ESRRB: variants seen among roughly 807,000 people sequenced by gnomAD.
ESRRB encodes the protein estrogen related receptor beta.
ESRRB carries 16 observed loss-of-function variants against 46.0 expected under a neutral mutation model. The observed-to-expected ratio is 0.35, with a 90% confidence interval of 0.24 to 0.53. The LOEUF is 0.53. Ranked by LOEUF, ESRRB falls within the 20% of genes least tolerant of loss-of-function variation. ESRRB has a pLI of 0.93. For synonymous variants in ESRRB, 246 were observed against 259.6 expected (o/e 0.95, Z 0.50); for missense variants, 488 against 607.4 (o/e 0.80, Z 2.07).
At chr14:76,480,656 G>T (rs187248538) in intron 3 of ESRRB, among the ~76,000 whole-genome samples, 6 of 152,072 alleles carry the variant, frequency 3.9e-5, no homozygotes, top group Admixed American at 1.3e-4. Context: ...GCCTGAATCC[G>T]GGGGACTGGC....
In ESRRB at chr14:76,439,674, G is replaced by C. The variant is rs1437258992; in HGVS notation, c.384G>C (p.Gly128=). Residue 128 remains glycine (G), a synonymous_variant, in exon 2 of 7, where the codon GGG becomes GGC. Coordinates refer to ENST00000644823, the MANE Select transcript of ESRRB (RefSeq NM_001379180.1). ...AIPKRLCLVC[G]DIASGYHYGV... ...CCAAGCGCCTGTGCCTCGTGTGCGG[G>C]GACATTGCCTCTGGCTACCACTACG... is the stretch of plus-strand genomic sequence containing the variant. 3 of 1,614,116 alleles carry C rather than the reference G, an allele frequency of 1.9e-6. No homozygotes were observed. Among genetic ancestry groups the C allele is most frequent in the African/African-American group, 1.3e-5 (1 of 74,950 alleles).
At chr14:76,484,075 C>T (rs1297425880) in intron 5 of ESRRB, among the ~76,000 whole-genome samples, 3 of 152,282 alleles carry the variant, frequency 2.0e-5, no homozygotes, top group South Asian at 4.1e-4. Flanking sequence ...AAGCTGGTCT[C>T]GAACTCCTGC....
chr14:76,357,254 C>A lies in ESRRB; in HGVS notation c.2+46338C>A, dbSNP rs1284897883. Among the ~76,000 whole-genome samples, 3 of 152,284 alleles carry A rather than the reference C, an allele frequency of 2.0e-5. No individual in the cohort carries two copies. In the Middle Eastern group the frequency reaches 0.01, roughly 518 times the overall value. ...CTCAGAAATGCACAAAAGTATTACC[C>A]AAGATGGGATTCACATTTTTTACAA... On this transcript the variant is annotated intron_variant, in intron 1 of 6. Coordinates refer to the ESRRB transcript ENST00000512784.
At chr14:76,440,620 A>G (rs1887880741) in intron 2 of ESRRB, among the ~76,000 whole-genome samples, 1 of 147,270 alleles carries the variant, frequency 6.8e-6, no homozygotes, top group Non-Finnish European at 1.5e-5. Flanking sequence ...TCCTGTCTGG[A>G]TCCCAGTTTG....
chr14:76,434,667 A>AAAG lies in ESRRB; in HGVS notation c.51-4672_51-4671insGAA, dbSNP rs1555396817. On this transcript the variant is annotated intron_variant, in intron 1 of 6. Coordinates refer to ENST00000644823, the MANE Select transcript of ESRRB (RefSeq NM_001379180.1). ...AGAGCCAGACTCTGTCTCAAAAAAA[A>AAAG]AAAAGAAAAGAAAAAAGAAAAAGAA... 9.9e-4 allele frequency among the ~76,000 whole-genome samples: 151 copies of AAAG among 151,922 alleles called. 1 individual carries two copies. The highest frequency in any genetic ancestry group is 3.5e-3 in the African/African-American group (144 of 41,424).
intron 3 of ESRRB, 86 bp downstream of exon 3, chr14:76,462,747 G>C (rs1465051564): frequency 4.9e-6 from 5 of 1,027,400 alleles, no homozygotes; most frequent in Non-Finnish European, 7.7e-6. Context: ...CACAAGCTGT[G>C]GACCTGTGTC....
chr14:76,335,860 G>A (rs1015896506), intron 1 of ESRRB, among the ~76,000 whole-genome samples: 2 of 152,106 alleles, frequency 1.3e-5, no homozygotes, highest in African/African-American at 4.8e-5. Context: ...CTCATGATGC[G>A]CCCGGTGCTA....
intron 3 of ESRRB, among the ~76,000 whole-genome samples, chr14:76,469,953 T>C (rs1221663891): frequency 1.5e-4 from 21 of 136,862 alleles, no homozygotes; most frequent in Admixed American, 1.0e-3. Context: ...TCTTTTTTTT[T>C]TTTTTTTTTT....
chr14:76,346,838 G>T (rs1423976327), intron 1 of ESRRB, among the ~76,000 whole-genome samples: 1 of 152,202 alleles, frequency 6.6e-6, no homozygotes, highest in Non-Finnish European at 1.5e-5. Flanking sequence ...CTTTCATTTT[G>T]CCACGCCGTA....
chr14:76,396,755 C>T (rs1041162371), intron 1 of ESRRB, among the ~76,000 whole-genome samples: 22 of 152,218 alleles, frequency 1.4e-4, no homozygotes, highest in African/African-American at 5.1e-4. Flanking sequence ...CAGACAGAGG[C>T]TTAGCCCGGA....
chr14:76,417,523 A>G (rs566750442), intron 1 of ESRRB, among the ~76,000 whole-genome samples: 11 of 152,176 alleles, frequency 7.2e-5, no homozygotes, highest in African/African-American at 9.7e-5. Context: ...ATCAACATCA[A>G]TGTTGTTTCC....
Position 76,439,883 on chromosome 14 carries a change from C to T in ESRRB, c.460+133C>T, listed in dbSNP as rs1887846751. ...CTGTTGGAGCGGTACTTCTGTGGGG[C>T]GCCTTTTCCCTTGCTCAGGGCTTCT... On this transcript the variant is annotated intron_variant, in intron 2 of 6. Transcript: ENST00000644823. 5.2e-6 allele frequency: 5 copies of T among 966,428 alleles called. No individual in the cohort carries two copies. In the Admixed American group the frequency reaches 7.8e-5, roughly 15 times the overall value. 59.9% of individuals were successfully genotyped at this position (966,428 alleles called of 1,614,324 possible).
intron 1 of ESRRB, among the ~76,000 whole-genome samples, chr14:76,366,306 C>T (rs1489619928): frequency 1.3e-5 from 2 of 152,244 alleles, no homozygotes; most frequent in East Asian, 1.9e-4. Flanking sequence ...AAATAAGGAG[C>T]GACATATCCC....
chr14:76,330,412 G>A (rs910495087), intron 1 of ESRRB, among the ~76,000 whole-genome samples: 1 of 152,208 alleles, frequency 6.6e-6, no homozygotes, highest in African/African-American at 2.4e-5. Context: ...GAGCCATATA[G>A]GTGACAACTC....
chr14:76,399,455 A>G (rs1216615997), intron 1 of ESRRB, among the ~76,000 whole-genome samples: 1 of 152,046 alleles, frequency 6.6e-6, no homozygotes, highest in African/African-American at 2.4e-5. Context: ...CTTCCTAGCA[A>G]TGTCCCCGCC....
intron 1 of ESRRB, among the ~76,000 whole-genome samples, chr14:76,404,631 C>T (rs1441071670): frequency 6.6e-6 from 1 of 152,208 alleles, no homozygotes; most frequent in East Asian, 1.9e-4. Context: ...GTTTCTGCCT[C>T]CTTTTCTCCC....
At chr14:76,417,472 C>T (rs1398656377) in intron 1 of ESRRB, among the ~76,000 whole-genome samples, 1 of 152,136 alleles carries the variant, frequency 6.6e-6, no homozygotes, top group East Asian at 1.9e-4. Flanking sequence ...CTTCTAGTTC[C>T]CATTATTCCA....
In ESRRB at chr14:76,390,393, G is replaced by A. The variant is rs564324894; in HGVS notation, c.50+13942G>A. Among the ~76,000 whole-genome samples the A allele has an allele frequency of 7.2e-5, 11 of 152,272 alleles. No individual in the cohort carries two copies. The South Asian group carries it at 2.1e-3, about 29-fold the overall frequency. On this transcript the variant is annotated intron_variant, in intron 1 of 6. Coordinates refer to ENST00000644823, the MANE Select transcript of ESRRB (RefSeq NM_001379180.1). ...AATCCCACCTCCTTGGGAGGCTGAG[G>A]CAGGAGGATCACTTGAACCCAGGAG...
chr14:76,439,446 C>T lies in ESRRB; in HGVS notation c.156C>T (p.Ser52=). ...CGTCCTCGGGCATCGATGCCCTCAG[C>T]CACCACAGCCCCAGTGGCTCGTCCG... ...SSPSSGIDAL[S]HHSPSGSSDA... Residue 52 remains serine (S), a synonymous_variant, in exon 2 of 7, where the codon AGC becomes AGT. Coordinates refer to ENST00000644823, the MANE Select transcript of ESRRB (RefSeq NM_001379180.1). 1 of 1,613,506 alleles carries T rather than the reference C, an allele frequency of 6.2e-7. No individual in the cohort carries two copies. Among genetic ancestry groups the T allele is most frequent in the East Asian group, 2.2e-5 (1 of 44,872 alleles).
Sources: gnomAD v4.1 joint callset for allele counts (sites outside exome capture counted in the v4.1 genomes callset) on GRCh38, gnomAD v4.1.1 for gene constraint, MANE v1.5 for transcripts, NCBI Gene and HGNC (gene_info 2026-07-23, HGNC 2026-07-21) for gene names.